Variants in LRFN2 observed in about 807,000 individuals in gnomAD.
The protein encoded by LRFN2 is leucine-rich repeat and fibronectin type-III domain-containing protein 2.
Under a neutral mutation model 37.3 loss-of-function variants are expected in LRFN2, and 18 were observed. The ratio of observed to expected loss-of-function variants is 0.48; its 90% CI spans 0.33 to 0.72. The LOEUF is 0.72. Ranked by LOEUF, LRFN2 falls within the 30% of genes least tolerant of loss-of-function variation. The pLI, the probability that LRFN2 is intolerant of heterozygous loss-of-function variation, is 0.02. For synonymous variants in LRFN2, 556 were observed against 466.6 expected (o/e 1.19, Z -2.47); for missense variants, 1,006 against 1,060.7 (o/e 0.95, Z 0.72).
chr6:40,518,692 T>G (rs1765959109), intron 1 of LRFN2, among the ~76,000 whole-genome samples: 1 of 152,192 alleles, frequency 6.6e-6, no homozygotes, highest in South Asian at 2.1e-4. Context: ...AGGATACACT[T>G]AGTCATCCAT....
chr6:40,453,993 C>T (rs1246883265), intron 1 of LRFN2, among the ~76,000 whole-genome samples: 2 of 152,150 alleles, frequency 1.3e-5, no homozygotes, highest in African/African-American at 4.8e-5. Context: ...TGTCTCTCTA[C>T]GCCATCTCAT....
intron 2 of LRFN2, among the ~76,000 whole-genome samples, chr6:40,411,614 G>T (rs1481456508): frequency 6.6e-6 from 1 of 152,034 alleles, no homozygotes; most frequent in African/African-American, 2.4e-5. Flanking sequence ...CCTCTTCGTT[G>T]CTCCTCAGAA....
intron 1 of LRFN2, among the ~76,000 whole-genome samples, chr6:40,484,264 G>A (rs930810885): frequency 1.3e-5 from 2 of 152,232 alleles, no homozygotes; most frequent in African/African-American, 2.4e-5. Context: ...AGGAGACAGG[G>A]TCAGCTGAGC....
chr6:40,425,324 T>C (rs1763326716), intron 2 of LRFN2, among the ~76,000 whole-genome samples: 1 of 152,210 alleles, frequency 6.6e-6, no homozygotes, highest in Admixed American at 6.5e-5. Flanking sequence ...CTGACTGCCT[T>C]AGGAGCATGC....
chr6:40,456,206 T>A (rs532315094), intron 1 of LRFN2, among the ~76,000 whole-genome samples: 64 of 152,318 alleles, frequency 4.2e-4, no homozygotes, highest in African/African-American at 1.5e-3. Flanking sequence ...AGCAAAGAAG[T>A]CACAGAAACT....
chr6:40,480,439 G>T (rs530769520), intron 1 of LRFN2, among the ~76,000 whole-genome samples: 1 of 151,976 alleles, frequency 6.6e-6, no homozygotes, highest in African/African-American at 2.4e-5. Context: ...CCAGAACACC[G>T]GTTATTTTTT....
At position 40,461,104 on chromosome 6, in the gene LRFN2, C is replaced by T. The variant is rs149885610; in HGVS notation, c.-18-27973G>A. ...AACAGCATTTTGAGCTGAAAAGTGA[C>T]ATTAGAAATTTTACACACTGGGCTG... On this transcript the variant is annotated intron_variant, in intron 1 of 2. Transcript: ENST00000338305. Among the ~76,000 whole-genome samples the T allele has an allele frequency of 2.0e-3, 297 of 152,266 alleles. 2 individuals carry two copies. The highest frequency in any genetic ancestry group is 6.6e-3 in the African/African-American group (275 of 41,556).
chr6:40,427,854 T>C (rs1296387289), intron 2 of LRFN2, among the ~76,000 whole-genome samples: 2 of 152,196 alleles, frequency 1.3e-5, no homozygotes, highest in Non-Finnish European at 2.9e-5. Context: ...TAGTCCTTAC[T>C]CACCTACATG....
rs145020621 is a variant in LRFN2, at chr6:40,572,900, G to A, written c.-19+14041C>T. 3.4e-3 allele frequency among the ~76,000 whole-genome samples: 523 copies of A among 152,250 alleles called. 5 individuals are homozygous for A. Among genetic ancestry groups the A allele is most frequent in the African/African-American group, 0.012 (496 of 41,536 alleles). On this transcript the variant is annotated intron_variant, in intron 1 of 2. Transcript: ENST00000338305. Reference sequence around the variant, plus strand: ...CCTCTACCTGCTGGGGGAAGGATCGGATAATGACAACTACATCAAATAGAA... The same window carrying A: ...CCTCTACCTGCTGGGGGAAGGATCGAATAATGACAACTACATCAAATAGAA...
At chr6:40,487,128 C>T (rs1240534703) in intron 1 of LRFN2, among the ~76,000 whole-genome samples, 24 of 152,158 alleles carry the variant, frequency 1.6e-4, no homozygotes, top group Non-Finnish European at 1.5e-5. Context: ...CTGAAGACCA[C>T]CAGGGGCCAG....
At chr6:40,479,481 G>T (rs577515857) in intron 1 of LRFN2, among the ~76,000 whole-genome samples, 12 of 152,210 alleles carry the variant, frequency 7.9e-5, no homozygotes, top group African/African-American at 2.9e-4. Context: ...ATGGGGAGCA[G>T]CTAAGCTACT....
intron 1 of LRFN2, among the ~76,000 whole-genome samples, chr6:40,537,697 C>T (rs979977380): frequency 2.0e-5 from 3 of 152,134 alleles, no homozygotes; most frequent in African/African-American, 4.8e-5. Context: ...GCTCCACTGT[C>T]GGGGCAGAGA....
rs183682009 is a variant in LRFN2, at chr6:40,493,168, G to A, written c.-18-60037C>T. 9.9e-5 allele frequency among the ~76,000 whole-genome samples: 15 copies of A among 152,190 alleles called. No individual in the cohort carries two copies. The East Asian group carries it at 1.7e-3, about 18-fold the overall frequency. On this transcript the variant is annotated intron_variant, in intron 1 of 2. Transcript: ENST00000338305. ...TGGAGTCCTCTATGCACTGAGACCC[G>A]AGCCAAGGCTGGGTATCAGGGATGG...
At chr6:40,422,741 C>G (rs1424205286) in intron 2 of LRFN2, among the ~76,000 whole-genome samples, 1 of 152,212 alleles carries the variant, frequency 6.6e-6, no homozygotes, top group Non-Finnish European at 1.5e-5. Context: ...CCTCTGTAAG[C>G]CCTTTTTGGT....
At chr6:40,433,447 C>T (rs1026975783) in intron 1 of LRFN2, among the ~76,000 whole-genome samples, 2 of 152,158 alleles carry the variant, frequency 1.3e-5, no homozygotes, top group African/African-American at 4.8e-5. Context: ...TGCTGTATCC[C>T]AATTACCTAG....
intron 1 of LRFN2, among the ~76,000 whole-genome samples, chr6:40,575,784 G>T (rs540472983): frequency 2.6e-5 from 4 of 152,242 alleles, no homozygotes; most frequent in African/African-American, 9.6e-5. Context: ...GGGGGCTCAG[G>T]AGCTGGCTGC....
At chr6:40,498,889 GC>G (rs1270862247) in intron 1 of LRFN2, among the ~76,000 whole-genome samples, 1 of 152,142 alleles carries the variant, frequency 6.6e-6, no homozygotes, top group African/African-American at 2.4e-5. Flanking sequence ...TTGAGCACCT[GC>G]TACATTCCAG....
chr6:40,425,237 C>T (rs1232943945), intron 2 of LRFN2, among the ~76,000 whole-genome samples: 2 of 152,150 alleles, frequency 1.3e-5, no homozygotes, highest in Non-Finnish European at 2.9e-5. Flanking sequence ...CAGGGTCTCT[C>T]TCCTTATAGC....
intron 1 of LRFN2, among the ~76,000 whole-genome samples, chr6:40,539,129 C>T (rs9471368): frequency 0.43 from 65,928 of 151,730 alleles, 14,577 homozygotes; most frequent in South Asian, 0.49. Context: ...GAATAAGACC[C>T]ACCTCCCACC....
Sources: allele counts gnomAD v4.1 joint callset (sites outside exome capture counted in the v4.1 genomes callset), GRCh38; gene constraint gnomAD v4.1.1; transcripts MANE v1.5; gene names NCBI Gene and HGNC (gene_info 2026-07-23, HGNC 2026-07-21).